The following PCDH15 variants were observed in gnomAD, a reference collection of about 807,000 sequenced individuals.
The protein encoded by PCDH15 is protocadherin related 15, also known as protocadherin-15.
PCDH15 carries 129 observed loss-of-function variants against 178.5 expected under a neutral mutation model. The observed-to-expected ratio is 0.72, with a 90% CI of 0.63 to 0.84. The LOEUF (loss-of-function observed/expected upper bound fraction) is 0.84, where lower values mean the gene tolerates loss of function less well. PCDH15 is among the 40% of genes least tolerant of loss of function. PCDH15 has a pLI of 0.00. For missense variants in PCDH15, 2,230 were observed against 2,099.9 expected, an observed-to-expected ratio of 1.06 and a Z score of -1.21; for synonymous variants, 800 against 732.0, an observed-to-expected ratio of 1.09 and a Z score of -1.50.
intron 1 of PCDH15, among the ~76,000 whole-genome samples, chr10:55,303,297 C>A (rs911288584): frequency 4.6e-5 from 7 of 152,162 alleles, no homozygotes; most frequent in Non-Finnish European, 1.0e-4. Flanking sequence ...AATTTCATTA[C>A]TGAAGGGTTT....
At chr10:54,563,804 C>T (rs10825357) in intron 2 of PCDH15, among the ~76,000 whole-genome samples, 31,016 of 151,942 alleles carry the variant, frequency 0.2, 3,320 homozygotes, top group East Asian at 0.34. Flanking sequence ...AACAGAGCCC[C>T]ACCATAACCA....
intron 2 of PCDH15, among the ~76,000 whole-genome samples, chr10:55,059,634 G>T (rs1841382401): frequency 6.6e-6 from 1 of 152,062 alleles, no homozygotes; most frequent in African/African-American, 2.4e-5. Flanking sequence ...ATCTTAGGAA[G>T]GCTGAATGCC....
chr10:54,706,016 T>C (rs117698038), intron 1 of PCDH15, among the ~76,000 whole-genome samples: 2,476 of 152,268 alleles, frequency 0.016, 17 homozygotes, highest in Non-Finnish European at 0.025. Context: ...ACAGCATAAT[T>C]ACTCTTAACA....
chr10:55,362,643 CGTGT>C lies in PCDH15; in HGVS notation c.-155-195996_-155-195993del, dbSNP rs148604478. On this transcript the variant is annotated intron_variant, in intron 2 of 5. Coordinates refer to the PCDH15 transcript ENST00000613346. Reference sequence around the variant, plus strand: ...AGAATTCATCACTTTTACATGCACTCGTGTGTGTGTGTGTGTGTGCACATGCATG... The same window carrying C: ...AGAATTCATCACTTTTACATGCACTCGTGTGTGTGTGTGTGCACATGCATG... 5.6e-3 allele frequency among the ~76,000 whole-genome samples: 834 copies of C among 150,072 alleles called. 11 individuals are homozygous for C. The highest frequency in any genetic ancestry group is 0.019 in the African/African-American group (780 of 41,066).
At chr10:55,585,755 G>A (rs947161793) in intron 2 of PCDH15, among the ~76,000 whole-genome samples, 2 of 151,992 alleles carry the variant, frequency 1.3e-5, no homozygotes, top group African/African-American at 4.8e-5. Flanking sequence ...ATATATATGT[G>A]TGTGTGTATA....
At chr10:54,858,563 C>A (rs1019877090) in intron 3 of PCDH15, among the ~76,000 whole-genome samples, 1 of 152,062 alleles carries the variant, frequency 6.6e-6, no homozygotes, top group Non-Finnish European at 1.5e-5. Context: ...AGAATTCCTC[C>A]TCCCATATTG....
intron 2 of PCDH15, among the ~76,000 whole-genome samples, chr10:55,067,302 TG>T (rs1841590871): frequency 6.6e-6 from 1 of 152,058 alleles, no homozygotes; most frequent in East Asian, 1.9e-4. Context: ...TCAAGTTTTT[TG>T]GTTCTCATAT....
intron 2 of PCDH15, among the ~76,000 whole-genome samples, chr10:55,016,409 C>CA (rs34850783): frequency 0.53 from 79,862 of 151,888 alleles, 22,047 homozygotes; most frequent in East Asian, 0.75. Context: ...TAGAACCCAT[C>CA]ACCTTCCCCA....
At chr10:55,341,072 T>C (rs1034795330) in intron 2 of PCDH15, among the ~76,000 whole-genome samples, 1 of 151,252 alleles carries the variant, frequency 6.6e-6, no homozygotes, top group Non-Finnish European at 1.5e-5. Flanking sequence ...TCAAAGCTCT[T>C]AGTAGTAAAT....
At chr10:54,971,488 A>G (rs958322438) in intron 2 of PCDH15, among the ~76,000 whole-genome samples, 17 of 152,296 alleles carry the variant, frequency 1.1e-4, no homozygotes, top group African/African-American at 3.6e-4. Context: ...GTAAGAAATA[A>G]ATTTCTCTTC....
chr10:54,463,801 G>A (rs1233440320), intron 3 of PCDH15, among the ~76,000 whole-genome samples: 2 of 151,876 alleles, frequency 1.3e-5, no homozygotes, highest in Non-Finnish European at 2.9e-5. Flanking sequence ...AGCGGTAGTA[G>A]GGCTAGAGAA....
At chr10:54,666,653 C>G (rs2094576403) in intron 1 of PCDH15, among the ~76,000 whole-genome samples, 1 of 151,438 alleles carries the variant, frequency 6.6e-6, no homozygotes, top group South Asian at 2.1e-4. Flanking sequence ...TAAAGAGAAA[C>G]CATATACAAA....
intron 2 of PCDH15, among the ~76,000 whole-genome samples, chr10:55,079,894 C>T (rs1419459606): frequency 6.6e-6 from 1 of 152,154 alleles, no homozygotes; most frequent in South Asian, 2.1e-4. Context: ...TGGGGAGGGA[C>T]TGGTAAAGAT....
At chr10:53,940,465 G>A (rs1383683620) in intron 24 of PCDH15, among the ~76,000 whole-genome samples, 1 of 152,070 alleles carries the variant, frequency 6.6e-6, no homozygotes, top group Admixed American at 6.6e-5. Flanking sequence ...ATTAGTTAAG[G>A]TATGACCAAC....
chr10:55,088,808 G>T (rs1412698900), intron 2 of PCDH15, among the ~76,000 whole-genome samples: 3 of 151,926 alleles, frequency 2.0e-5, no homozygotes, highest in Admixed American at 2.0e-4. Flanking sequence ...TTGACCAAAA[G>T]AACTGAAATG....
At chr10:54,695,350 T>G (rs933600151) in intron 1 of PCDH15, among the ~76,000 whole-genome samples, 2 of 152,118 alleles carry the variant, frequency 1.3e-5, no homozygotes, top group African/African-American at 4.8e-5. Context: ...TTAAATTCTG[T>G]GAAAACTGAG....
At chr10:53,905,275 T>C (rs754637343) in intron 25 of PCDH15, 22 of 514,902 alleles carry the variant, frequency 4.3e-5, no homozygotes, top group Non-Finnish European at 8.1e-5. Context: ...CATCACAAAA[T>C]ACAAATAGGA....
intron 2 of PCDH15, among the ~76,000 whole-genome samples, chr10:55,087,625 C>T (rs1193143563): frequency 6.6e-6 from 1 of 152,056 alleles, no homozygotes; most frequent in Non-Finnish European, 1.5e-5. Flanking sequence ...GACCAGAGAA[C>T]AGTTACAGAC....
chr10:54,554,393 T>C (rs1404788354), intron 2 of PCDH15, among the ~76,000 whole-genome samples: 2 of 152,116 alleles, frequency 1.3e-5, no homozygotes, highest in African/African-American at 4.8e-5. Context: ...ACAACATATA[T>C]CGTAGGTTTC....
Sources: allele counts gnomAD v4.1 joint callset (sites outside exome capture counted in the v4.1 genomes callset), GRCh38; gene constraint gnomAD v4.1.1; transcripts MANE v1.5; gene names NCBI Gene and HGNC (gene_info 2026-07-23, HGNC 2026-07-21).